DOCK1: variants seen among roughly 807,000 people sequenced by gnomAD.
DOCK1 encodes the protein dedicator of cytokinesis protein 1.
A neutral mutation model predicts 262.7 loss-of-function variants in DOCK1; 138 were observed. The ratio of observed to expected loss-of-function variants is 0.53; its 90% CI spans 0.46 to 0.61. The LOEUF is 0.61. Ranked by LOEUF, DOCK1 falls within the 20% of genes least tolerant of loss-of-function variation. The probability of loss-of-function intolerance (pLI) is 0.00; values close to 1 mark genes in which losing one functional copy is unlikely to be tolerated. For missense variants in DOCK1, 1,908 were observed against 2,370.7 expected (o/e 0.80, Z 4.05); for synonymous variants, 866 against 867.4 (o/e 1.00, Z 0.03).
At chr10:127,210,781 C>G (rs1261170714) in intron 27 of DOCK1, among the ~76,000 whole-genome samples, 1 of 152,146 alleles carries the variant, frequency 6.6e-6, no homozygotes, top group East Asian at 1.9e-4. Flanking sequence ...AGTTTAAAGC[C>G]TAATGCAGAT....
At chr10:126,929,962 T>G (rs2034064217) in intron 1 of DOCK1, among the ~76,000 whole-genome samples, 1 of 152,192 alleles carries the variant, frequency 6.6e-6, no homozygotes, top group Non-Finnish European at 1.5e-5. Context: ...TAGCAGTTTC[T>G]TCTTTTTTTT....
intron 49 of DOCK1, among the ~76,000 whole-genome samples, chr10:127,440,711 G>A (rs1270969102): frequency 1.3e-5 from 2 of 152,234 alleles, no homozygotes; most frequent in Non-Finnish European, 2.9e-5. Flanking sequence ...CCCCAGCCAT[G>A]ACTTGACGTC....
intron 38 of DOCK1, among the ~76,000 whole-genome samples, chr10:127,394,074 A>G (rs1053530484): frequency 1.3e-5 from 2 of 152,072 alleles, no homozygotes; most frequent in African/African-American, 4.8e-5. Context: ...TAATCCAAGT[A>G]CTTGACTGAA....
At chr10:127,256,800 G>A (rs2059838953) in intron 28 of DOCK1, among the ~76,000 whole-genome samples, 1 of 152,164 alleles carries the variant, frequency 6.6e-6, no homozygotes, top group African/African-American at 2.4e-5. Context: ...ATCTAGGAGA[G>A]TTTGGCAACA....
chr10:127,221,585 C>A (rs984880468), intron 27 of DOCK1, among the ~76,000 whole-genome samples: 3 of 152,256 alleles, frequency 2.0e-5, no homozygotes, highest in African/African-American at 4.8e-5. Context: ...CTACTTTTAT[C>A]CTTTGATCAA....
At chr10:127,028,394 CAA>C (rs2043023524) in intron 16 of DOCK1, among the ~76,000 whole-genome samples, 1 of 152,212 alleles carries the variant, frequency 6.6e-6, no homozygotes, top group East Asian at 1.9e-4. Flanking sequence ...GTGCCCGACA[CAA>C]GAAGTTTATT....
rs2067320234 is a variant in DOCK1, at chr10:127,403,148, A to C, written c.4017+4A>C. 3 of 1,600,976 alleles carry C rather than the reference A, an allele frequency of 1.9e-6. 1 individual carries two copies. In the South Asian group the frequency reaches 3.4e-5, roughly 18 times the overall value. ...TGAGCAACTCAGCGAATTGCTGGTG[A>C]GTCTTTATTTCTTTTTATTTAAATG... On this transcript the variant is annotated splice_donor_region_variant and intron_variant, in intron 39 of 51. Transcript: ENST00000623213.
At chr10:127,199,233 G>T (rs966330155) in intron 27 of DOCK1, among the ~76,000 whole-genome samples, 1 of 151,992 alleles carries the variant, frequency 6.6e-6, no homozygotes, top group Non-Finnish European at 1.5e-5. Context: ...AGTTCAAGAC[G>T]GCTAACTAAG....
At chr10:127,283,080 G>A (rs143914614) in intron 29 of DOCK1, among the ~76,000 whole-genome samples, 30 of 152,374 alleles carry the variant, frequency 2.0e-4, no homozygotes, top group Non-Finnish European at 3.8e-4. Flanking sequence ...AACAAGGAGC[G>A]TTACGTGGTC....
intron 18 of DOCK1, 22 bp downstream of exon 18, chr10:127,032,342 C>T: frequency 1.2e-5 from 18 of 1,490,506 alleles, no homozygotes; most frequent in Non-Finnish European, 1.5e-5. Flanking sequence ...AGGAGAAACA[C>T]ACTCACCCCA....
chr10:127,390,361 C>T (rs2066402595), intron 38 of DOCK1, among the ~76,000 whole-genome samples: 1 of 152,142 alleles, frequency 6.6e-6, no homozygotes. Context: ...TACAAAAAAA[C>T]AAATGTTCTT....
Position 127,274,649 on chromosome 10 carries a change from T to TA in DOCK1, c.3044+17220_3044+17221insA, listed in dbSNP as rs554493800. On this transcript the variant is annotated intron_variant, in intron 29 of 51. Transcript: ENST00000623213. ...AGAAAAATGAACAATCAAGGAAAAG[T>TA]CTTAATATTTTTGGCTTGAGCCAAA... 1.2e-4 allele frequency among the ~76,000 whole-genome samples: 19 copies of TA among 152,266 alleles called. No individual in the cohort carries two copies. The East Asian group carries it at 3.1e-3, about 25-fold the overall frequency.
intron 16 of DOCK1, among the ~76,000 whole-genome samples, chr10:127,030,696 G>A (rs778653782): frequency 6.6e-6 from 1 of 152,190 alleles, no homozygotes; most frequent in Non-Finnish European, 1.5e-5. Flanking sequence ...CTAGGAAATG[G>A]CAGTAAAACA....
intron 10 of DOCK1, among the ~76,000 whole-genome samples, chr10:127,006,159 G>C (rs531112010): frequency 1.0e-3 from 154 of 152,282 alleles, no homozygotes; most frequent in African/African-American, 3.6e-3. Context: ...CTGACTCGCA[G>C]GGTGTGGGGG....
At chr10:127,071,747 A>G (rs144016806) in intron 23 of DOCK1, among the ~76,000 whole-genome samples, 230 of 152,276 alleles carry the variant, frequency 1.5e-3, no homozygotes, top group Non-Finnish European at 2.6e-3. Flanking sequence ...GTTGAATACT[A>G]CCGTGTTGCT....
At position 127,125,614 on chromosome 10, in the gene DOCK1, T is replaced by C. The variant is rs946725170; in HGVS notation, c.2751+13T>C. 3 of 1,610,350 alleles carry C rather than the reference T, an allele frequency of 1.9e-6. No homozygotes were observed. In the African/African-American group the frequency reaches 4.0e-5, roughly 22 times the overall value. Reference sequence around the variant, plus strand: ...CAGGAAGGACGTGGTGAGTGTTGGCTCTGTGCGTGACGTCCTGCCATTTGC... The same window carrying C: ...CAGGAAGGACGTGGTGAGTGTTGGCCCTGTGCGTGACGTCCTGCCATTTGC... On this transcript the variant is annotated intron_variant, in intron 26 of 51. Transcript: ENST00000623213.
chr10:127,044,308 T>C (rs1430460340), intron 21 of DOCK1, among the ~76,000 whole-genome samples: 1 of 152,198 alleles, frequency 6.6e-6, no homozygotes, highest in Non-Finnish European at 1.5e-5. Context: ...CATATCTGCC[T>C]CGTGTGCGTG....
Position 127,257,431 on chromosome 10 carries a change from T to G in DOCK1, c.3044+2T>G. On this transcript the variant is annotated splice_donor_variant, in intron 29 of 51. Coordinates refer to ENST00000623213, the MANE Select transcript of DOCK1 (RefSeq NM_001290223.2). LOFTEE classifies it high-confidence loss of function. Reference sequence around the variant, plus strand: ...GATCATGAACATGGTGCAAAATAAGTAAGTGTGGGGAAAACGGCTCTCACC... The same window carrying G: ...GATCATGAACATGGTGCAAAATAAGGAAGTGTGGGGAAAACGGCTCTCACC... 2 of 1,598,166 alleles carry G rather than the reference T, an allele frequency of 1.3e-6. No individual in the cohort carries two copies. Among genetic ancestry groups the G allele is most frequent in the Non-Finnish European group, 1.7e-6 (2 of 1,171,290 alleles).
intron 29 of DOCK1, among the ~76,000 whole-genome samples, chr10:127,283,066 C>T (rs77348179): frequency 0.067 from 10,247 of 152,276 alleles, 399 homozygotes; most frequent in East Asian, 0.11. Context: ...GCCTGTTTGG[C>T]GCCAACAAGG....
Sources: allele counts gnomAD v4.1 joint callset (sites outside exome capture counted in the v4.1 genomes callset), GRCh38; gene constraint gnomAD v4.1.1; transcripts MANE v1.5; gene names NCBI Gene and HGNC (gene_info 2026-07-23, HGNC 2026-07-21).